The following DSCAM variants were observed in gnomAD, a reference collection of about 807,000 sequenced individuals.
DSCAM encodes the protein cell adhesion molecule DSCAM.
A neutral mutation model predicts 217.7 loss-of-function variants in DSCAM; 47 were observed. The ratio of observed to expected loss-of-function variants is 0.22; its 90% CI spans 0.17 to 0.28. The LOEUF is 0.28. Ranked by LOEUF, DSCAM falls within the 10% of genes least tolerant of loss-of-function variation. The pLI is 1.00. For missense variants in DSCAM, 2,080 were observed against 2,618.3 expected (o/e 0.79, Z 4.49); for synonymous variants, 1,056 against 1,015.3 (o/e 1.04, Z -0.76).
intron 8 of DSCAM, among the ~76,000 whole-genome samples, chr21:40,324,429 A>T (rs1396588343): frequency 6.6e-6 from 1 of 152,150 alleles, no homozygotes; most frequent in Non-Finnish European, 1.5e-5. Flanking sequence ...CTTCCAAAAA[A>T]AATGGATGCC....
chr21:40,097,626 C>A (rs2089691691), intron 20 of DSCAM, among the ~76,000 whole-genome samples: 1 of 152,060 alleles, frequency 6.6e-6, no homozygotes, highest in African/African-American at 2.4e-5. Flanking sequence ...CAATATCCGA[C>A]TATATGCTGC....
At chr21:40,286,696 T>C (rs922499889) in intron 10 of DSCAM, among the ~76,000 whole-genome samples, 2 of 143,502 alleles carry the variant, frequency 1.4e-5, no homozygotes, top group African/African-American at 5.7e-5. Flanking sequence ...TGATCCTCAG[T>C]GTGATCTGCA....
chr21:40,428,273 TG>T (rs2075496270), intron 3 of DSCAM, among the ~76,000 whole-genome samples: 10 of 149,582 alleles, frequency 6.7e-5, no homozygotes, highest in Non-Finnish European at 4.5e-5. Flanking sequence ...TGTGTGTGTG[TG>T]TGTGTGTGTG....
At chr21:40,060,410 G>A (rs530925156) in intron 28 of DSCAM, among the ~76,000 whole-genome samples, 40 of 152,302 alleles carry the variant, frequency 2.6e-4, no homozygotes, top group Admixed American at 1.5e-3. Flanking sequence ...AATATAGCCC[G>A]CAGTTTCACA....
chr21:40,336,317 A>G (rs11911726), intron 8 of DSCAM, among the ~76,000 whole-genome samples: 9,941 of 152,242 alleles, frequency 0.065, 626 homozygotes, highest in African/African-American at 0.16. Context: ...TCACTCCTAC[A>G]ATTACAATTG....
chr21:40,044,753 AAAT>A (rs766912623), intron 30 of DSCAM, among the ~76,000 whole-genome samples: 5 of 152,210 alleles, frequency 3.3e-5, no homozygotes, highest in Non-Finnish European at 2.9e-5. Context: ...ATAGTACAAA[AAAT>A]AATGTTATGA....
chr21:40,227,626 T>C lies in DSCAM; in HGVS notation c.2357-38388A>G, dbSNP rs188942629. On this transcript the variant is annotated intron_variant, in intron 11 of 32. Coordinates refer to ENST00000400454, the MANE Select transcript of DSCAM (RefSeq NM_001389.5). ...GAGTACCACCCCTTTCCCCCACTGC[T>C]ACCCTTACTGGTACACCTGGGAGGA... Among the ~76,000 whole-genome samples, 3 of 152,312 alleles carry C rather than the reference T, an allele frequency of 2.0e-5. No individual in the cohort carries two copies. The East Asian group carries it at 5.8e-4, about 29-fold the overall frequency.
chr21:40,279,083 A>AG (rs2073726162), intron 10 of DSCAM, among the ~76,000 whole-genome samples: 1 of 152,234 alleles, frequency 6.6e-6, no homozygotes, highest in South Asian at 2.1e-4. Context: ...AAGTAGAAAA[A>AG]GTTTTTAAAA....
intron 3 of DSCAM, among the ~76,000 whole-genome samples, chr21:40,564,941 T>C (rs1352125746): frequency 6.6e-6 from 1 of 151,976 alleles, no homozygotes; most frequent in Non-Finnish European, 1.5e-5. Context: ...ACCTGGAGAT[T>C]GGAAGGGAAG....
intron 21 of DSCAM, among the ~76,000 whole-genome samples, chr21:40,093,207 G>A (rs933351147): frequency 1.3e-5 from 2 of 152,194 alleles, no homozygotes; most frequent in Admixed American, 6.5e-5. Flanking sequence ...ACGTACAAAT[G>A]TGAAGATATT....
intron 1 of DSCAM, among the ~76,000 whole-genome samples, chr21:40,836,637 CT>C (rs1422679299): frequency 6.6e-6 from 1 of 152,208 alleles, no homozygotes; most frequent in African/African-American, 2.4e-5. Context: ...AACTTCCTAG[CT>C]ACTGTTTGGG....
At chr21:40,644,112 G>C (rs181952513) in intron 3 of DSCAM, among the ~76,000 whole-genome samples, 244 of 152,330 alleles carry the variant, frequency 1.6e-3, no homozygotes, top group African/African-American at 5.5e-3. Flanking sequence ...GGTGACTTCA[G>C]AACTCCGCCT....
At chr21:40,079,381 C>T (rs2089419698) in intron 25 of DSCAM, among the ~76,000 whole-genome samples, 1 of 152,200 alleles carries the variant, frequency 6.6e-6, no homozygotes, top group African/African-American at 2.4e-5. Context: ...TCCTCCACAA[C>T]TAAACACTTG....
At chr21:40,195,826 T>G (rs2091001809) in intron 11 of DSCAM, among the ~76,000 whole-genome samples, 1 of 152,198 alleles carries the variant, frequency 6.6e-6, no homozygotes, top group Admixed American at 6.5e-5. Flanking sequence ...TTCAAGTCCC[T>G]TTTAAACCAG....
At chr21:40,339,929 C>T (rs1465568105) in intron 6 of DSCAM, among the ~76,000 whole-genome samples, 1 of 142,470 alleles carries the variant, frequency 7.0e-6, no homozygotes, top group East Asian at 2.0e-4. Context: ...ATAAAGGAAA[C>T]TACTGAGAGA....
rs1247721552 is a variant in DSCAM, at chr21:40,095,102, G to A, written c.3697-1228C>T. Among the ~76,000 whole-genome samples the A allele has an allele frequency of 5.9e-5, 9 of 152,274 alleles. No individual in the cohort carries two copies. In the East Asian group the frequency reaches 1.2e-3, roughly 20 times the overall value. ...ATGGCTGGGGAGGCCTCACGATCACGGCAGAAGGTGAAAGGCATGTCTTAC... is the reference window on the plus strand; with the variant it reads ...ATGGCTGGGGAGGCCTCACGATCACAGCAGAAGGTGAAAGGCATGTCTTAC... On this transcript the variant is annotated intron_variant, in intron 20 of 32. Coordinates refer to ENST00000400454, the MANE Select transcript of DSCAM (RefSeq NM_001389.5).
intron 11 of DSCAM, among the ~76,000 whole-genome samples, chr21:40,249,205 T>A (rs116185402): frequency 6.6e-6 from 1 of 152,210 alleles, no homozygotes; most frequent in East Asian, 1.9e-4. Flanking sequence ...TTAGCTGATA[T>A]GGTTTGGCTC....
intron 3 of DSCAM, among the ~76,000 whole-genome samples, chr21:40,481,350 C>A (rs1228491863): frequency 6.6e-6 from 1 of 151,748 alleles, no homozygotes; most frequent in East Asian, 1.9e-4. Flanking sequence ...ATTAGCCAGG[C>A]ATGGTGGCGG....
At chr21:40,311,933 ATT>A (rs34579385) in intron 9 of DSCAM, 146 bp downstream of exon 9, 5,408 of 201,950 alleles carry the variant, frequency 0.027, 109 homozygotes, top group African/African-American at 0.093. Context: ...TTAGAGTCGT[ATT>A]TTTTTTTTTT....
Sources: allele counts gnomAD v4.1 joint callset (sites outside exome capture counted in the v4.1 genomes callset), GRCh38; gene constraint gnomAD v4.1.1; transcripts MANE v1.5; gene names NCBI Gene and HGNC (gene_info 2026-07-23, HGNC 2026-07-21).